The following TNR variants were observed in gnomAD, a reference collection of about 807,000 sequenced individuals.
TNR encodes tenascin R.
TNR carries 45 observed loss-of-function variants against 150.4 expected under a neutral mutation model. The observed-to-expected ratio is 0.30, with a 90% confidence interval of 0.24 to 0.38. The LOEUF (loss-of-function observed/expected upper bound fraction) is 0.38. Among genes scored for constraint, TNR ranks in the 10% least tolerant of loss-of-function variants. The probability of loss-of-function intolerance (pLI) is 1.00; values close to 1 mark genes in which losing one functional copy is unlikely to be tolerated. For missense variants in TNR, 1,544 were observed against 1,759.1 expected, an observed-to-expected ratio of 0.88 and a Z score of 2.19; for synonymous variants, 687 against 678.4, an observed-to-expected ratio of 1.01 and a Z score of -0.20.
At chr1:175,630,939 G>T (rs1664305328) in intron 1 of TNR, among the ~76,000 whole-genome samples, 2 of 152,226 alleles carry the variant, frequency 1.3e-5, no homozygotes, top group African/African-American at 4.8e-5. Context: ...GCTCTGGAGA[G>T]AAAAGCAGGG....
intron 1 of TNR, among the ~76,000 whole-genome samples, chr1:175,675,047 T>C (rs539055107): frequency 6.6e-6 from 1 of 152,284 alleles, no homozygotes; most frequent in East Asian, 1.9e-4. Flanking sequence ...TTGAGCTTAT[T>C]TTTTGTTCAG....
chr1:175,549,597 C>T (rs955266090), intron 1 of TNR, among the ~76,000 whole-genome samples: 3 of 152,170 alleles, frequency 2.0e-5, no homozygotes, highest in African/African-American at 4.8e-5. Context: ...AGAGGTGGGC[C>T]TGTCCTAATC....
chr1:175,624,735 A>G (rs577096053), intron 1 of TNR, among the ~76,000 whole-genome samples: 1 of 152,284 alleles, frequency 6.6e-6, no homozygotes, highest in Non-Finnish European at 1.5e-5. Context: ...TCATTACTGT[A>G]GCCCTGGGAA....
chr1:175,391,195 C>T (rs982998646), intron 7 of TNR, 93 bp downstream of exon 7: 12 of 1,499,934 alleles, frequency 8.0e-6, no homozygotes, highest in South Asian at 5.2e-5. Context: ...AATTCTAGCA[C>T]CTCTGTTGTC....
Position 175,707,699 on chromosome 1 carries a change from T to C in TNR, c.-165+35527A>G, listed in dbSNP as rs374573690. Among the ~76,000 whole-genome samples the C allele has an allele frequency of 3.9e-5, 6 of 152,314 alleles. 1 individual carries two copies. The South Asian group carries it at 8.3e-4, about 21-fold the overall frequency. On this transcript the variant is annotated intron_variant, in intron 1 of 22. Transcript: ENST00000367674. ...CCCAACTTGTTCAAAGTAAATAAAA[T>C]GTTGCTTGTGTAAGTAATTAATCAG...
chr1:175,490,876 C>T (rs1290750692), intron 2 of TNR, among the ~76,000 whole-genome samples: 1 of 152,096 alleles, frequency 6.6e-6, no homozygotes, highest in African/African-American at 2.4e-5. Context: ...TGGGTATATA[C>T]CCAAAAAGAT....
At chr1:175,588,991 C>T (rs910380362) in intron 1 of TNR, among the ~76,000 whole-genome samples, 1 of 152,066 alleles carries the variant, frequency 6.6e-6, no homozygotes, top group Non-Finnish European at 1.5e-5. Context: ...ACCAAAAATG[C>T]CAACCTTCTG....
intron 1 of TNR, among the ~76,000 whole-genome samples, chr1:175,626,123 C>A (rs1664148543): frequency 6.6e-6 from 1 of 152,164 alleles, no homozygotes; most frequent in South Asian, 2.1e-4. Flanking sequence ...GTGCCTTTCA[C>A]CCTTCACCAT....
At chr1:175,415,494 C>T (rs1021271703) in intron 2 of TNR, among the ~76,000 whole-genome samples, 5 of 152,248 alleles carry the variant, frequency 3.3e-5, no homozygotes, top group Admixed American at 1.3e-4. Context: ...TCCCACTAGG[C>T]GCGGCTGCCC....
At chr1:175,478,349 A>G (rs1408738959) in intron 2 of TNR, among the ~76,000 whole-genome samples, 1 of 152,188 alleles carries the variant, frequency 6.6e-6, no homozygotes, top group Non-Finnish European at 1.5e-5. Context: ...ACTTGGATGA[A>G]TTTAGAAAGA....
chr1:175,686,268 T>C (rs1666197890), intron 1 of TNR, among the ~76,000 whole-genome samples: 1 of 152,218 alleles, frequency 6.6e-6, no homozygotes, highest in Non-Finnish European at 1.5e-5. Context: ...TGAGAACTAT[T>C]TTCATGGTGT....
intron 1 of TNR, among the ~76,000 whole-genome samples, chr1:175,697,079 C>T (rs922223194): frequency 2.0e-5 from 3 of 151,834 alleles, no homozygotes; most frequent in Admixed American, 1.3e-4. Flanking sequence ...TATCCCAAGC[C>T]TCTTTATCTC....
Position 175,379,618 on chromosome 1 carries a change from C to A in TNR, c.1897G>T (p.Gly633Cys). Residue 633 changes from glycine to cysteine, a missense_variant, in exon 9 of 23, where the codon GGT (glycine) becomes TGT (cysteine). Physicochemically the swap from Gly to Cys is radical, Grantham distance 159 (BLOSUM62 -3). Transcript: ENST00000367674. ...EYKVVYSTLA[G>C]EQYHEVLVPR... ...ACCAGTACCTCATGATATTGCTCAC[C>A]CGCCAGGGTGCTGTACACAACCTTG... is the stretch of plus-strand genomic sequence containing the variant. 1 of 1,614,160 alleles carries A rather than the reference C, an allele frequency of 6.2e-7. No individual in the cohort carries two copies. The highest frequency in any genetic ancestry group is 8.5e-7 in the Non-Finnish European group (1 of 1,180,030).
intron 1 of TNR, among the ~76,000 whole-genome samples, chr1:175,683,252 G>C (rs1176757439): frequency 6.6e-6 from 1 of 152,116 alleles, no homozygotes; most frequent in Non-Finnish European, 1.5e-5. Flanking sequence ...TGAGATTAAA[G>C]ACCTCACGGA....
intron 2 of TNR, among the ~76,000 whole-genome samples, chr1:175,420,072 C>T (rs1654684020): frequency 6.6e-6 from 1 of 152,122 alleles, no homozygotes; most frequent in African/African-American, 2.4e-5. Flanking sequence ...GGCTGAAGGG[C>T]ACTGCTTCTC....
chr1:175,639,834 A>T (rs187976106), intron 1 of TNR, among the ~76,000 whole-genome samples: 1 of 152,152 alleles, frequency 6.6e-6, no homozygotes, highest in Non-Finnish European at 1.5e-5. Flanking sequence ...ATATTCATAT[A>T]GTTCTCTTTT....
intron 2 of TNR, among the ~76,000 whole-genome samples, chr1:175,507,966 C>T (rs868430963): frequency 6.6e-6 from 1 of 152,164 alleles, no homozygotes; most frequent in Admixed American, 6.5e-5. Flanking sequence ...ATAGGAATAA[C>T]CAACTATGGT....
chr1:175,365,291 AG>A lies in TNR; in HGVS notation c.2318-13del, dbSNP rs1180760659. ...GATGGGACGGAAGCCTGCAAAGCAA[AG>A]GAGATGGATGGTCCTGAAACACGTG... On this transcript the variant is annotated splice_polypyrimidine_tract_variant and intron_variant, in intron 11 of 22. Coordinates refer to ENST00000367674, the MANE Select transcript of TNR (RefSeq NM_003285.3). 19 of 1,589,898 alleles carry A rather than the reference AG, an allele frequency of 1.2e-5. No individual in the cohort carries two copies. In the African/African-American group the frequency reaches 2.0e-4, roughly 17 times the overall value.
intron 7 of TNR, among the ~76,000 whole-genome samples, chr1:175,387,445 C>G (rs1400782298): frequency 5.9e-5 from 9 of 152,054 alleles, no homozygotes; most frequent in Admixed American, 5.2e-4. Flanking sequence ...CATTCTGATA[C>G]TGATATAGAA....
Sources: allele counts gnomAD v4.1 joint callset (sites outside exome capture counted in the v4.1 genomes callset), GRCh38; gene constraint gnomAD v4.1.1; transcripts MANE v1.5; gene names NCBI Gene and HGNC (gene_info 2026-07-23, HGNC 2026-07-21).